Variants in KDM4B observed in about 807,000 individuals in gnomAD.
KDM4B encodes the protein lysine demethylase 4B.
In KDM4B, 32 loss-of-function variants were observed where a neutral mutation model predicts 125.2. That is an observed-to-expected ratio of 0.26 (90% CI 0.19 to 0.34). The LOEUF is 0.34. Among genes scored for constraint, KDM4B ranks in the 10% least tolerant of loss-of-function variants. The pLI, the probability that KDM4B is intolerant of heterozygous loss-of-function variation, is 1.00. For missense variants in KDM4B, 1,190 were observed against 1,577.7 expected (o/e 0.75, Z 4.16); for synonymous variants, 721 against 677.9 (o/e 1.06, Z -0.99).
intron 1 of KDM4B, among the ~76,000 whole-genome samples, chr19:5,001,481 C>T (rs774717497): frequency 3.3e-5 from 5 of 152,200 alleles, no homozygotes; most frequent in South Asian, 2.1e-4. Flanking sequence ...CCCAGTGTCT[C>T]TCCTGCATGT....
At chr19:5,106,066 T>C (rs1826859892) in intron 9 of KDM4B, among the ~76,000 whole-genome samples, 1 of 152,236 alleles carries the variant, frequency 6.6e-6, no homozygotes, top group African/African-American at 2.4e-5. Flanking sequence ...GCTCTGCCCA[T>C]AATTGGGCTC....
intron 3 of KDM4B, among the ~76,000 whole-genome samples, chr19:5,037,918 G>C (rs143132469): frequency 6.6e-6 from 1 of 152,258 alleles, no homozygotes; most frequent in Non-Finnish European, 1.5e-5. Flanking sequence ...CCTTCCTGTC[G>C]TTAACAGGCA....
chr19:5,111,870 T>C (rs1295342252), intron 10 of KDM4B: 1 of 761,078 alleles, frequency 1.3e-6, no homozygotes, highest in Admixed American at 1.7e-5. Flanking sequence ...GCTGTGTCCG[T>C]GAAGCTTTGT....
At chr19:5,136,690 C>A (rs898848288) in intron 15 of KDM4B, among the ~76,000 whole-genome samples, 1 of 152,184 alleles carries the variant, frequency 6.6e-6, no homozygotes, top group African/African-American at 2.4e-5. Flanking sequence ...GAGGTCCCCG[C>A]CCCCAGCCTC....
rs966663636 is a variant in KDM4B, at chr19:5,129,225, G to A, written c.1316-1851G>A. ...CAGGGCCGCCTCCACTCCTGGGGGA[G>A]GCTGTGGGCTGGGGGCCCCTTGTGG... On this transcript the variant is annotated intron_variant, in intron 11 of 22. Coordinates refer to ENST00000159111, the MANE Select transcript of KDM4B (RefSeq NM_015015.3). 1.6e-3 allele frequency among the ~76,000 whole-genome samples: 246 copies of A among 152,328 alleles called. 1 individual carries two copies. The highest frequency in any genetic ancestry group is 5.7e-3 in the African/African-American group (239 of 41,570).
intron 1 of KDM4B, among the ~76,000 whole-genome samples, chr19:4,980,065 A>G (rs1460989247): frequency 2.0e-5 from 3 of 152,052 alleles, no homozygotes; most frequent in African/African-American, 7.2e-5. Context: ...AGATCATGCC[A>G]CTGCACTCCA....
chr19:5,108,778 C>G (rs2039083749), intron 9 of KDM4B, among the ~76,000 whole-genome samples: 1 of 152,154 alleles, frequency 6.6e-6, no homozygotes, highest in Non-Finnish European at 1.5e-5. Flanking sequence ...CAGAAAGTTC[C>G]CTGTGGGCTT....
intron 10 of KDM4B, chr19:5,112,387 C>A (rs2039166516): frequency 6.5e-6 from 1 of 154,520 alleles, no homozygotes; most frequent in East Asian, 1.9e-4. Context: ...CAGCCTCCCC[C>A]TTCCCTTTGA....
intron 1 of KDM4B, among the ~76,000 whole-genome samples, chr19:4,974,531 G>A (rs2034376233): frequency 1.3e-5 from 2 of 151,932 alleles, no homozygotes; most frequent in South Asian, 4.2e-4. Flanking sequence ...CTGAGGTCAG[G>A]AGTTTGAGAC....
At chr19:5,065,828 G>A (rs1157109158) in intron 6 of KDM4B, among the ~76,000 whole-genome samples, 2 of 152,196 alleles carry the variant, frequency 1.3e-5, no homozygotes, top group Non-Finnish European at 2.9e-5. Flanking sequence ...CCCACCCGTC[G>A]CCAGGAGCCC....
intron 9 of KDM4B, among the ~76,000 whole-genome samples, chr19:5,102,714 G>A (rs994801275): frequency 2.0e-5 from 3 of 152,206 alleles, no homozygotes; most frequent in East Asian, 1.9e-4. Flanking sequence ...GACGGGTGAC[G>A]GGTGACGGGT....
chr19:5,146,350 G>A (rs367846971), intron 21 of KDM4B, among the ~76,000 whole-genome samples: 2 of 152,190 alleles, frequency 1.3e-5, no homozygotes, highest in South Asian at 2.1e-4. Flanking sequence ...CACCACTCTC[G>A]GACCTTGCAG....
At chr19:4,974,859 C>A (rs551369663) in intron 1 of KDM4B, among the ~76,000 whole-genome samples, 3 of 151,876 alleles carry the variant, frequency 2.0e-5, no homozygotes, top group African/African-American at 7.2e-5. Flanking sequence ...AAATTCTGGG[C>A]CCTTTCGCGT....
chr19:5,055,832 A>G (rs1278790956), intron 6 of KDM4B, among the ~76,000 whole-genome samples: 1 of 152,136 alleles, frequency 6.6e-6, no homozygotes, highest in Non-Finnish European at 1.5e-5. Flanking sequence ...GATTCACTGA[A>G]AAAGTGGGAA....
chr19:5,060,625 G>A (rs1458185922), intron 6 of KDM4B, among the ~76,000 whole-genome samples: 2 of 151,924 alleles, frequency 1.3e-5, no homozygotes, highest in Non-Finnish European at 1.5e-5. Flanking sequence ...GAGGAGGGCC[G>A]TGGGTCCAGG....
chr19:5,126,406 C>T (rs934908488), intron 11 of KDM4B, among the ~76,000 whole-genome samples: 1 of 152,158 alleles, frequency 6.6e-6, no homozygotes, highest in African/African-American at 2.4e-5. Context: ...CCTGAGCCTC[C>T]GGGGAGGCCC....
chr19:5,020,541 G>A (rs1485017544), intron 2 of KDM4B, among the ~76,000 whole-genome samples: 1 of 152,170 alleles, frequency 6.6e-6, no homozygotes, highest in African/African-American at 2.4e-5. Context: ...AAAGACTCTC[G>A]GAATAGTTGC....
chr19:5,121,673 T>A (rs1463976010), intron 11 of KDM4B, among the ~76,000 whole-genome samples: 1 of 152,180 alleles, frequency 6.6e-6, no homozygotes, highest in Non-Finnish European at 1.5e-5. Flanking sequence ...AGACTTTTTT[T>A]GGAAATAAGA....
intron 9 of KDM4B, among the ~76,000 whole-genome samples, chr19:5,092,424 T>C (rs2038727896): frequency 6.6e-6 from 1 of 152,112 alleles, no homozygotes. Flanking sequence ...TTCCTTCCTT[T>C]CTCCCACTGC....
Sources: gnomAD v4.1 joint callset for allele counts (sites outside exome capture counted in the v4.1 genomes callset) on GRCh38, gnomAD v4.1.1 for gene constraint, MANE v1.5 for transcripts, NCBI Gene and HGNC (gene_info 2026-07-23, HGNC 2026-07-21) for gene names.